The following TTLL5 variants were observed in gnomAD, a reference collection of about 807,000 sequenced individuals.
The protein encoded by TTLL5 is tubulin tyrosine ligase like 5.
Under a neutral mutation model 168.4 loss-of-function variants are expected in TTLL5, and 132 were observed. The observed-to-expected ratio is 0.78, with a 90% CI of 0.68 to 0.91. The LOEUF (loss-of-function observed/expected upper bound fraction) is 0.91. TTLL5 is among the 40% of genes least tolerant of loss of function. TTLL5 has a pLI of 0.00. For synonymous variants in TTLL5, 546 were observed against 558.6 expected (o/e 0.98, Z 0.32); for missense variants, 1,545 against 1,581.5 (o/e 0.98, Z 0.39).
intron 31 of TTLL5, among the ~76,000 whole-genome samples, chr14:75,951,739 C>T (rs886876705): frequency 3.9e-5 from 6 of 152,076 alleles, no homozygotes; most frequent in Non-Finnish European, 8.8e-5. Context: ...AATACAGCCT[C>T]GGCGACAGAG....
intron 15 of TTLL5, 135 bp downstream of exon 15, chr14:75,735,424 G>A: frequency 1.3e-6 from 1 of 769,946 alleles, no homozygotes; most frequent in South Asian, 1.6e-5. Context: ...CTAGACAGGA[G>A]GCAGTTATAT....
intron 3 of TTLL5, among the ~76,000 whole-genome samples, chr14:75,672,058 T>C (rs1883791230): frequency 6.6e-6 from 1 of 152,240 alleles, no homozygotes; most frequent in Non-Finnish European, 1.5e-5. Flanking sequence ...CCTAGTTTGT[T>C]GTGTGTTTTT....
intron 31 of TTLL5, 130 bp downstream of exon 31, chr14:75,902,354 G>T: frequency 1.1e-6 from 1 of 935,856 alleles, no homozygotes; most frequent in Non-Finnish European, 1.6e-6. Flanking sequence ...TCAAAACATT[G>T]GCAAATGGGC....
chr14:75,816,511 C>T (rs1894409714), intron 27 of TTLL5, among the ~76,000 whole-genome samples: 2 of 152,204 alleles, frequency 1.3e-5, no homozygotes, highest in African/African-American at 4.8e-5. Context: ...AAATTAGGGG[C>T]AGTCTTGCCA....
Position 75,715,480 on chromosome 14 carries a change from A to AG in TTLL5, c.741-2380dup, listed in dbSNP as rs1457045621. Among the ~76,000 whole-genome samples, 5 of 152,260 alleles carry AG rather than the reference A, an allele frequency of 3.3e-5. No individual in the cohort carries two copies. In the East Asian group the frequency reaches 7.7e-4, roughly 23 times the overall value. On this transcript the variant is annotated intron_variant, in intron 9 of 31. Coordinates refer to ENST00000298832, the MANE Select transcript of TTLL5 (RefSeq NM_015072.5). Reference sequence around the variant, plus strand: ...TGGTCTAGACAATAAAAAAGAAAATAGTGGTCAGATGATGATGATGGCTTA... The same window carrying AG: ...TGGTCTAGACAATAAAAAAGAAAATAGGTGGTCAGATGATGATGATGGCTTA...
intron 28 of TTLL5, among the ~76,000 whole-genome samples, chr14:75,824,815 C>T (rs970462401): frequency 2.6e-5 from 4 of 151,040 alleles, no homozygotes; most frequent in African/African-American, 4.9e-5. Context: ...GGCCAAATGG[C>T]AAGGTTTTGT....
chr14:75,943,037 A>C (rs564715252), intron 31 of TTLL5, among the ~76,000 whole-genome samples: 5 of 152,334 alleles, frequency 3.3e-5, no homozygotes, highest in African/African-American at 1.2e-4. Flanking sequence ...CCATTAAAGC[A>C]AAAATAAAGA....
intron 26 of TTLL5, among the ~76,000 whole-genome samples, chr14:75,790,362 A>G (rs1259766356): frequency 1.3e-5 from 2 of 152,342 alleles, no homozygotes; most frequent in South Asian, 2.1e-4. Context: ...AGCATGTTCA[A>G]CATCATCATT....
At chr14:75,874,086 T>G (rs2031265736) in intron 29 of TTLL5, among the ~76,000 whole-genome samples, 1 of 151,986 alleles carries the variant, frequency 6.6e-6, no homozygotes, top group South Asian at 2.1e-4. Context: ...CTTTATTTAT[T>G]TATTTATTTA....
intron 17 of TTLL5, among the ~76,000 whole-genome samples, chr14:75,751,719 G>A (rs1889965243): frequency 6.6e-6 from 1 of 152,294 alleles, no homozygotes; most frequent in East Asian, 1.9e-4. Context: ...AGAGGCAAAA[G>A]ATCAGTGGGA....
chr14:75,724,799 T>C (rs1888086787), intron 12 of TTLL5, among the ~76,000 whole-genome samples: 1 of 152,206 alleles, frequency 6.6e-6, no homozygotes, highest in African/African-American at 2.4e-5. Context: ...CGTGAAAATA[T>C]GGTACCATGT....
At chr14:75,737,674 A>C (rs1888994275) in intron 15 of TTLL5, 1 of 1,473,424 alleles carries the variant, frequency 6.8e-7, no homozygotes, top group South Asian at 1.3e-5. Flanking sequence ...AAAGTTTTTT[A>C]GCTTTAGTTT....
At chr14:75,860,372 A>C (rs78381730) in intron 28 of TTLL5, among the ~76,000 whole-genome samples, 2,796 of 152,326 alleles carry the variant, frequency 0.018, 83 homozygotes, top group African/African-American at 0.061. Flanking sequence ...TGTTATTAAA[A>C]CAGCTTTTAG....
intron 5 of TTLL5, among the ~76,000 whole-genome samples, chr14:75,685,814 A>G (rs1885002501): frequency 6.6e-6 from 1 of 152,200 alleles, no homozygotes; most frequent in African/African-American, 2.4e-5. Context: ...GTAATTTGTA[A>G]CAGGGAAGTT....
intron 5 of TTLL5, among the ~76,000 whole-genome samples, chr14:75,688,245 C>A (rs901194636): frequency 1.3e-5 from 2 of 152,092 alleles, no homozygotes; most frequent in East Asian, 3.9e-4. Flanking sequence ...GGAAGAGGGG[C>A]TGAAAGTTAA....
intron 31 of TTLL5, among the ~76,000 whole-genome samples, chr14:75,911,003 T>C (rs1485900159): frequency 6.6e-6 from 1 of 151,640 alleles, no homozygotes; most frequent in Admixed American, 6.6e-5. Flanking sequence ...TGTTGGGGGG[T>C]GGGTGGTTGG....
chr14:75,686,119 C>T (rs986705571), intron 5 of TTLL5, among the ~76,000 whole-genome samples: 4 of 152,150 alleles, frequency 2.6e-5, no homozygotes, highest in Non-Finnish European at 4.4e-5. Flanking sequence ...GAAATTTGAA[C>T]TGTGGAACAG....
intron 15 of TTLL5, among the ~76,000 whole-genome samples, chr14:75,739,268 C>T (rs547933097): frequency 6.6e-6 from 1 of 152,156 alleles, no homozygotes; most frequent in South Asian, 2.1e-4. Flanking sequence ...GACATAAAGC[C>T]TTTCTGGCTT....
chr14:75,943,074 CA>C (rs2034661525), intron 31 of TTLL5, among the ~76,000 whole-genome samples: 1 of 152,092 alleles, frequency 6.6e-6, no homozygotes, highest in African/African-American at 2.4e-5. Context: ...GCTGGTATTT[CA>C]AAGTCCCACA....
Sources: allele counts gnomAD v4.1 joint callset (sites outside exome capture counted in the v4.1 genomes callset), GRCh38; gene constraint gnomAD v4.1.1; transcripts MANE v1.5; gene names NCBI Gene and HGNC (gene_info 2026-07-23, HGNC 2026-07-21).